Variants in ENAH observed in about 807,000 individuals in gnomAD.
ENAH encodes the protein ENAH actin regulator.
In ENAH, 23 loss-of-function variants were observed where a neutral mutation model predicts 78.7. The observed-to-expected ratio is 0.29, with a 90% CI of 0.21 to 0.41. The LOEUF (loss-of-function observed/expected upper bound fraction) is 0.41, where lower values mean the gene tolerates loss of function less well. Among genes scored for constraint, ENAH ranks in the 10% least tolerant of loss-of-function variants. The probability of loss-of-function intolerance (pLI) is 1.00; values close to 1 mark genes in which losing one functional copy is unlikely to be tolerated. For synonymous variants in ENAH, 226 were observed against 241.0 expected (o/e 0.94, Z 0.58); for missense variants, 544 against 691.0 (o/e 0.79, Z 2.39).
At chr1:225,544,513 T>C (rs2096604120) in intron 3 of ENAH, among the ~76,000 whole-genome samples, 1 of 152,214 alleles carries the variant, frequency 6.6e-6, no homozygotes, top group South Asian at 2.1e-4. Flanking sequence ...AGTGTCTGTA[T>C]GACAACAAAC....
At chr1:225,604,786 C>G (rs951249715) in intron 1 of ENAH, among the ~76,000 whole-genome samples, 1 of 152,014 alleles carries the variant, frequency 6.6e-6, no homozygotes, top group Non-Finnish European at 1.5e-5. Flanking sequence ...CAGCAAGACC[C>G]TGTCTCAAAC....
intron 6 of ENAH, 98 bp from the exon 7 acceptor site, chr1:225,514,998 G>A: frequency 1.0e-6 from 1 of 982,606 alleles, no homozygotes; most frequent in Non-Finnish European, 1.6e-6. Context: ...AAATTAAACT[G>A]ACTCATGTAT....
intron 1 of ENAH, among the ~76,000 whole-genome samples, chr1:225,601,997 A>G: frequency 6.6e-6 from 1 of 152,096 alleles, no homozygotes; most frequent in Admixed American, 6.5e-5. Flanking sequence ...AATCAATGAA[A>G]ATCTAGTCCA....
Position 225,488,080 on chromosome 1 carries a change from A to G in ENAH, c.*9695T>C, listed in dbSNP as rs1413095470. 1.3e-5 allele frequency: 2 copies of G among 152,292 alleles called. No individual in the cohort carries two copies. Among genetic ancestry groups the G allele is most frequent in the African/African-American group, 4.8e-5 (2 of 41,460 alleles). The allele number at this position is 152,292 out of a possible 1,614,324, so 9.4% of individuals were successfully genotyped here. On this transcript the variant is annotated 3_prime_UTR_variant, in exon 14 of 14. Transcript: ENST00000366843. ...ACAAACACCACCAAAGCTTTCCGCC[A>G]TTCATGCACATGCTTATTCTGACCC...
At chr1:225,626,746 A>C (rs1450425888) in intron 1 of ENAH, among the ~76,000 whole-genome samples, 1 of 152,206 alleles carries the variant, frequency 6.6e-6, no homozygotes, top group Non-Finnish European at 1.5e-5. Context: ...TCTTTATCTC[A>C]ACTGTGTTAG....
At chr1:225,507,776 A>G (rs922212115) in intron 11 of ENAH, among the ~76,000 whole-genome samples, 175 bp downstream of exon 11, 1 of 152,112 alleles carries the variant, frequency 6.6e-6, no homozygotes, top group Admixed American at 6.5e-5. Context: ...ATCACTAGTA[A>G]TGTAGATGAG....
At chr1:225,586,904 GA>G (rs1395207760) in intron 1 of ENAH, among the ~76,000 whole-genome samples, 1 of 134,350 alleles carries the variant, frequency 7.4e-6, no homozygotes, top group Non-Finnish European at 1.5e-5. Context: ...CGTGCCTGTA[GA>G]CCCAGCTACT....
chr1:225,545,845 T>C (rs1178995927), intron 3 of ENAH, among the ~76,000 whole-genome samples: 1 of 150,794 alleles, frequency 6.6e-6, no homozygotes, highest in Non-Finnish European at 1.5e-5. Flanking sequence ...AATTAAAACA[T>C]GGAGAACCAG....
intron 1 of ENAH, among the ~76,000 whole-genome samples, chr1:225,629,568 C>G (rs556076642): frequency 6.9e-6 from 1 of 145,214 alleles, no homozygotes; most frequent in African/African-American, 2.6e-5. Flanking sequence ...GCCTGGGCAA[C>G]AGAGTGAGAC....
At chr1:225,500,816 A>G (rs1489441162) in intron 12 of ENAH, among the ~76,000 whole-genome samples, 176 bp downstream of exon 12, 2 of 152,210 alleles carry the variant, frequency 1.3e-5, no homozygotes, top group Admixed American at 6.5e-5. Context: ...AACTCAATGA[A>G]CCGGAAGTGT....
intron 3 of ENAH, among the ~76,000 whole-genome samples, chr1:225,553,678 C>T (rs890451665): frequency 6.6e-6 from 1 of 151,936 alleles, no homozygotes; most frequent in Non-Finnish European, 1.5e-5. Flanking sequence ...AAAATACTGA[C>T]ACCTAGGAGA....
intron 1 of ENAH, among the ~76,000 whole-genome samples, chr1:225,598,709 T>C (rs769805407): frequency 1.2e-4 from 18 of 151,766 alleles, no homozygotes; most frequent in Non-Finnish European, 2.2e-4. Flanking sequence ...TGGGAAAAGG[T>C]GTAAAAGACA....
chr1:225,630,347 T>C (rs1658779252), intron 1 of ENAH, among the ~76,000 whole-genome samples: 1 of 152,216 alleles, frequency 6.6e-6, no homozygotes, highest in Non-Finnish European at 1.5e-5. Context: ...ACTGTTGGTG[T>C]TTGAATTCCG....
At chr1:225,518,019 A>G (rs2096435355) in intron 5 of ENAH, 2 of 1,514,656 alleles carry the variant, frequency 1.3e-6, no homozygotes, top group Non-Finnish European at 1.8e-6. Context: ...GCAGCAGCAA[A>G]AGACAGGATA....
chr1:225,641,257 A>G (rs1661009473), intron 1 of ENAH, among the ~76,000 whole-genome samples: 1 of 151,962 alleles, frequency 6.6e-6, no homozygotes, highest in Non-Finnish European at 1.5e-5. Flanking sequence ...AGCATATTAT[A>G]TATGCTTTTA....
chr1:225,518,383 G>C (rs2096438831), intron 5 of ENAH, among the ~76,000 whole-genome samples: 1 of 152,018 alleles, frequency 6.6e-6, no homozygotes, highest in Non-Finnish European at 1.5e-5. Flanking sequence ...ACAACAAATA[G>C]CAAAACTAGT....
intron 10 of ENAH, among the ~76,000 whole-genome samples, chr1:225,510,758 T>C (rs1333404225): frequency 6.9e-6 from 1 of 144,108 alleles, no homozygotes; most frequent in East Asian, 2.2e-4. Context: ...ACGCCTGTAA[T>C]CCTAGCACTT....
intron 4 of ENAH, among the ~76,000 whole-genome samples, chr1:225,520,679 A>G (rs528340861): frequency 6.6e-6 from 1 of 151,980 alleles, no homozygotes; most frequent in Non-Finnish European, 1.5e-5. Flanking sequence ...CAACAAAGCA[A>G]GACCCATCTC....
At chr1:225,598,936 G>C (rs1225625489) in intron 1 of ENAH, among the ~76,000 whole-genome samples, 2 of 152,056 alleles carry the variant, frequency 1.3e-5, no homozygotes, top group East Asian at 1.9e-4. Context: ...ACAGTCCACT[G>C]AGTAATTAGA....
Sources: gnomAD v4.1 joint callset for allele counts (sites outside exome capture counted in the v4.1 genomes callset) on GRCh38, gnomAD v4.1.1 for gene constraint, MANE v1.5 for transcripts, NCBI Gene and HGNC (gene_info 2026-07-23, HGNC 2026-07-21) for gene names.